DAB1: variants seen among roughly 807,000 people sequenced by gnomAD.
DAB1 encodes the protein disabled homolog 1.
A neutral mutation model predicts 64.6 loss-of-function variants in DAB1; 15 were observed. That is an observed-to-expected ratio of 0.23 (90% CI 0.16 to 0.36). DAB1 has a LOEUF of 0.36. Ranked by LOEUF, DAB1 falls within the 10% of genes least tolerant of loss-of-function variation. The pLI is 1.00. For missense variants in DAB1, 596 were observed against 706.7 expected (o/e 0.84, Z 1.78); for synonymous variants, 235 against 251.9 (o/e 0.93, Z 0.64).
At chr1:58,114,788 A>G (rs1333615339) in intron 5 of DAB1, among the ~76,000 whole-genome samples, 1 of 152,192 alleles carries the variant, frequency 6.6e-6, no homozygotes, top group Non-Finnish European at 1.5e-5. Flanking sequence ...GTCATCCCCT[A>G]CAATAAGCAA....
intron 1 of DAB1, among the ~76,000 whole-genome samples, chr1:57,859,189 T>C (rs540448304): frequency 8.0e-4 from 122 of 152,226 alleles, no homozygotes; most frequent in South Asian, 1.5e-3. Flanking sequence ...CCCCAAATTA[T>C]TTGTCTCCAT....
chr1:57,153,928 C>A (rs959834262), intron 2 of DAB1, among the ~76,000 whole-genome samples: 10 of 152,136 alleles, frequency 6.6e-5, no homozygotes, highest in Admixed American at 1.3e-4. Context: ...CATGAGCCAC[C>A]ACCCCTGGCC....
intron 2 of DAB1, among the ~76,000 whole-genome samples, chr1:57,166,917 A>G (rs891361877): frequency 2.0e-5 from 3 of 152,084 alleles, no homozygotes; most frequent in African/African-American, 7.2e-5. Context: ...TCTGACTCCA[A>G]AGTTCATAGT....
At chr1:57,898,195 C>G (rs1055099150) in intron 5 of DAB1, among the ~76,000 whole-genome samples, 2 of 152,116 alleles carry the variant, frequency 1.3e-5, no homozygotes, top group African/African-American at 2.4e-5. Flanking sequence ...AAGTAGATAT[C>G]ACTATCCCAT....
intron 5 of DAB1, among the ~76,000 whole-genome samples, chr1:57,955,190 G>T (rs1046983888): frequency 2.0e-5 from 3 of 152,088 alleles, no homozygotes; most frequent in African/African-American, 7.2e-5. Flanking sequence ...CAATGTTTTT[G>T]CTTTTAGCCT....
chr1:57,593,280 T>G (rs558290844), intron 7 of DAB1, among the ~76,000 whole-genome samples: 16 of 152,238 alleles, frequency 1.1e-4, no homozygotes, highest in Non-Finnish European at 2.1e-4. Flanking sequence ...TGTGGCTGAC[T>G]TATTTCACTT....
chr1:58,251,194 G>A (rs1445308270), intron 4 of DAB1, among the ~76,000 whole-genome samples: 1 of 152,144 alleles, frequency 6.6e-6, no homozygotes, highest in Admixed American at 6.5e-5. Flanking sequence ...TCTGATGCAG[G>A]TCTGCCCTTC....
intron 3 of DAB1, among the ~76,000 whole-genome samples, chr1:58,373,164 A>G (rs998178868): frequency 7.2e-6 from 1 of 137,980 alleles, no homozygotes; most frequent in African/African-American, 2.7e-5. Context: ...CCAGCTTACT[A>G]TTTTCTTTTT....
At chr1:58,379,166 G>A (rs1157556199) in intron 3 of DAB1, among the ~76,000 whole-genome samples, 2 of 152,084 alleles carry the variant, frequency 1.3e-5, no homozygotes, top group Non-Finnish European at 2.9e-5. Context: ...GGGAGCTGTA[G>A]ACCGGAGCTG....
chr1:57,217,828 C>A (rs752888268), intron 2 of DAB1, among the ~76,000 whole-genome samples: 14 of 152,004 alleles, frequency 9.2e-5, no homozygotes, highest in Non-Finnish European at 2.1e-4. Flanking sequence ...TCACACCTAC[C>A]AATCCCCCCA....
intron 4 of DAB1, among the ~76,000 whole-genome samples, chr1:58,190,106 T>C (rs1169801759): frequency 6.6e-6 from 1 of 152,162 alleles, no homozygotes; most frequent in African/African-American, 2.4e-5. Flanking sequence ...GAGTGGGGCA[T>C]TTTTACAAGA....
chr1:58,448,370 A>G (rs1302841935), intron 3 of DAB1, among the ~76,000 whole-genome samples: 1 of 152,218 alleles, frequency 6.6e-6, no homozygotes, highest in East Asian at 1.9e-4. Flanking sequence ...CAGAAAGTAG[A>G]TAACAGAAAT....
chr1:58,228,692 C>G, intron 4 of DAB1: 2 of 1,139,426 alleles, frequency 1.8e-6, no homozygotes, highest in Non-Finnish European at 1.3e-6. Context: ...CTCAGTACCT[C>G]TTAGCCTTGC....
chr1:58,091,678 T>A (rs1650665085), intron 5 of DAB1, among the ~76,000 whole-genome samples: 1 of 152,140 alleles, frequency 6.6e-6, no homozygotes. Flanking sequence ...TTCACTCACA[T>A]CCTGCACATC....
chr1:57,517,741 G>A (rs1476607235), intron 7 of DAB1, among the ~76,000 whole-genome samples: 1 of 152,222 alleles, frequency 6.6e-6, no homozygotes, highest in Non-Finnish European at 1.5e-5. Flanking sequence ...AGAAACCTGT[G>A]CATAAAAGGA....
intron 5 of DAB1, among the ~76,000 whole-genome samples, chr1:58,091,349 G>A (rs1185513110): frequency 6.6e-6 from 1 of 152,090 alleles, no homozygotes; most frequent in South Asian, 2.1e-4. Flanking sequence ...GTCTAACCAT[G>A]GCACAGCCCT....
At chr1:58,216,233 C>T (rs1404381116) in intron 4 of DAB1, among the ~76,000 whole-genome samples, 2 of 151,982 alleles carry the variant, frequency 1.3e-5, no homozygotes, top group Non-Finnish European at 1.5e-5. Flanking sequence ...ACTGTGTTCA[C>T]GTGTTCTCAC....
intron 3 of DAB1, among the ~76,000 whole-genome samples, chr1:58,411,252 T>A (rs920985140): frequency 6.6e-6 from 1 of 152,198 alleles, no homozygotes; most frequent in Non-Finnish European, 1.5e-5. Context: ...ACATAGTAGT[T>A]AAGAGAAAGT....
intron 4 of DAB1, among the ~76,000 whole-genome samples, chr1:58,226,537 T>A (rs1335416724): frequency 6.6e-6 from 1 of 152,152 alleles, no homozygotes; most frequent in African/African-American, 2.4e-5. Context: ...AGGTGTGACA[T>A]GAATCTACAG....
Sources: allele counts gnomAD v4.1 joint callset (sites outside exome capture counted in the v4.1 genomes callset), GRCh38; gene constraint gnomAD v4.1.1; transcripts MANE v1.5; gene names NCBI Gene and HGNC (gene_info 2026-07-23, HGNC 2026-07-21).